RAB44: variants seen among roughly 807,000 people sequenced by gnomAD.
The protein encoded by RAB44 is ras-related protein Rab-44.
RAB44 carries 67 observed loss-of-function variants against 93.3 expected under a neutral mutation model. That is an observed-to-expected ratio of 0.72 (90% CI 0.59 to 0.88). The LOEUF is 0.88. Among genes scored for constraint, RAB44 ranks in the 40% least tolerant of loss-of-function variants. The probability of loss-of-function intolerance (pLI) is 0.00; values close to 1 mark genes in which losing one functional copy is unlikely to be tolerated. For missense variants in RAB44, 1,064 were observed against 1,261.7 expected (o/e 0.84, Z 2.37); for synonymous variants, 427 against 520.3 (o/e 0.82, Z 2.44).
Position 36,717,394 on chromosome 6 carries a change from G to T in RAB44, c.616G>T (p.Glu206Ter). Residue 206 changes from glutamate (E) to a stop codon, truncating the protein, a stop_gained, in exon 5 of 14, where the codon GAG (glutamate) becomes TAG (stop). Transcript: ENST00000612677. LOFTEE classifies it high-confidence loss of function. This position sits in a 1 kb window ranked among gnomAD's most constrained non-coding sequence, Gnocchi z 4.1. ...CCTGCAGGAGGCCCAGGCGGACAAG[G>T]AGGCCCTGGAGCTGACCCTGAGGAA... ...SRLQEAQADK[E>*]ALELTLRKRD... The T allele has an allele frequency of 8.1e-7, 1 of 1,232,244 alleles. No individual in the cohort carries two copies. The highest frequency in any genetic ancestry group is 1.0e-6 in the Non-Finnish European group (1 of 988,070). The allele number at this position is 1,232,244 out of a possible 1,614,324, so 76.3% of individuals were successfully genotyped here. A position where few individuals can be genotyped will look rare whatever the true frequency, so the allele number is the denominator to read the frequency against.
At chr6:36,712,043 C>G (rs1362051162) in intron 2 of RAB44, among the ~76,000 whole-genome samples, 1 of 152,220 alleles carries the variant, frequency 6.6e-6, no homozygotes, top group East Asian at 1.9e-4. Context: ...TGGCTCATGC[C>G]TGTAATCCCA....
intron 2 of RAB44, among the ~76,000 whole-genome samples, chr6:36,711,182 T>C (rs1412193426): frequency 1.3e-5 from 2 of 152,236 alleles, no homozygotes; most frequent in Non-Finnish European, 2.9e-5. Flanking sequence ...GGTGACACAC[T>C]GGAAGTTATA....
At chr6:36,703,682 CATG>C (rs1487045558) in intron 1 of RAB44, among the ~76,000 whole-genome samples, 1 of 151,914 alleles carries the variant, frequency 6.6e-6, no homozygotes, top group Admixed American at 6.6e-5. Flanking sequence ...GGACTAGAGA[CATG>C]GTGCTGGAGA....
rs757112183 is a variant in RAB44, at chr6:36,727,674, T to G, written c.2779T>G (p.Trp927Gly). ...SQESFAHVRY[W>G]LDCLQDAGSD... ...GGAGAGCTTTGCCCACGTGCGCTAC[T>G]GGCTAGACTGTCTCCAGGTGAGCAG... The change falls in exon 11 of 14, where the codon TGG becomes GGG. Residue 927 changes from tryptophan (W) to glycine (G), a missense_variant. Coordinates refer to ENST00000612677, the MANE Select transcript of RAB44 (RefSeq NM_001257357.2). 4.3e-5 allele frequency: 66 copies of G among 1,550,126 alleles called. No homozygotes were observed. In the African/African-American group the frequency reaches 7.0e-4, roughly 16 times the overall value.
chr6:36,719,298 C>T (rs1763010775), intron 7 of RAB44, among the ~76,000 whole-genome samples: 1 of 152,180 alleles, frequency 6.6e-6, no homozygotes, highest in South Asian at 2.1e-4. Context: ...GCCCTGTTAC[C>T]AGGTTGATTT....
At chr6:36,704,026 G>A (rs1368865019) in intron 1 of RAB44, among the ~76,000 whole-genome samples, 198 bp from the exon 2 acceptor site, 1 of 152,256 alleles carries the variant, frequency 6.6e-6, no homozygotes, top group African/African-American at 2.4e-5. Flanking sequence ...AAAGGGCAAA[G>A]GCGTTGAGCA....
intron 4 of RAB44, among the ~76,000 whole-genome samples, chr6:36,716,459 G>A (rs1159409161): frequency 6.7e-5 from 9 of 134,940 alleles, no homozygotes; most frequent in Admixed American, 6.4e-4. Context: ...GACAGAGCAA[G>A]ACTCTGTCTC....
chr6:36,724,139 TTTTA>T (rs35704587), intron 9 of RAB44, among the ~76,000 whole-genome samples: 4,077 of 146,432 alleles, frequency 0.028, 127 homozygotes, highest in African/African-American at 0.077. Flanking sequence ...CATTATTTTA[TTTTA>T]TTTATTTATT....
intron 2 of RAB44, among the ~76,000 whole-genome samples, chr6:36,706,623 A>T (rs1762656070): frequency 6.6e-6 from 1 of 152,262 alleles, no homozygotes; most frequent in South Asian, 2.1e-4. Flanking sequence ...CCTTGATTGC[A>T]CAATTGATTT....
chr6:36,720,187 G>A (rs1763035561), intron 7 of RAB44, among the ~76,000 whole-genome samples, 176 bp from the exon 8 acceptor site: 1 of 152,128 alleles, frequency 6.6e-6, no homozygotes. Flanking sequence ...CTAGATAGGA[G>A]CTAATGGAGC....
At chr6:36,702,257 G>C (rs1003382680) in intron 1 of RAB44, among the ~76,000 whole-genome samples, 7 of 148,210 alleles carry the variant, frequency 4.7e-5, no homozygotes, top group Non-Finnish European at 8.9e-5. Flanking sequence ...TTACATTTAT[G>C]ATCTTAAAAC....
Position 36,721,641 on chromosome 6 carries a change from C to A in RAB44, c.1507C>A (p.Pro503Thr). 8.1e-7 allele frequency: 1 copy of A among 1,234,524 alleles called. No individual in the cohort carries two copies. Among genetic ancestry groups the A allele is most frequent in the Non-Finnish European group, 1.0e-6 (1 of 988,374 alleles). The allele number at this position is 1,234,524 out of a possible 1,614,324, so 76.5% of individuals were successfully genotyped here. A position where few individuals can be genotyped will look rare whatever the true frequency, so the allele number is the denominator to read the frequency against. Reference sequence around the variant, plus strand: ...AGTGCTCATTCCTTTGGAGGATGGGCCCCCTCCCCCTGCGAACTCTCCCCC... The same window carrying A: ...AGTGCTCATTCCTTTGGAGGATGGGACCCCTCCCCCTGCGAACTCTCCCCC... ...FKVLIPLEDG[P>T]PPPANSPPPQ... Residue 503 changes from proline (P) to threonine (T), a missense_variant, in exon 9 of 14, where the codon CCC becomes ACC. Pro to Thr is a conservative substitution (Grantham distance 38). Transcript: ENST00000612677.
chr6:36,721,991 GGGC>G lies in RAB44; in HGVS notation c.1858_1860del (p.Gly620del), dbSNP rs1291238692. ...CCCTGGGGCCAGCTGAGCCCTTCCA[GGGC>G]CTGGAATTTGTGGGTCCGGTGCCCA... On this transcript the variant is annotated inframe_deletion, in exon 9 of 14. Coordinates refer to ENST00000612677, the MANE Select transcript of RAB44 (RefSeq NM_001257357.2). The G allele has an allele frequency of 8.1e-7, 1 of 1,234,552 alleles. No individual in the cohort carries two copies. The highest frequency in any genetic ancestry group is 1.0e-6 in the Non-Finnish European group (1 of 988,412). 76.5% of individuals were successfully genotyped at this position (1,234,552 alleles called of 1,614,324 possible).
At chr6:36,710,904 G>C (rs931408104) in intron 2 of RAB44, among the ~76,000 whole-genome samples, 1 of 152,130 alleles carries the variant, frequency 6.6e-6, no homozygotes, top group Non-Finnish European at 1.5e-5. Flanking sequence ...GATTACAGGC[G>C]TGAGTCACCT....
chr6:36,717,205 G>T lies in RAB44; in HGVS notation c.495-68G>T. ...GCTGCAGTGAAAACTGAGGAGTGGG[G>T]CTCCCCTTGCTTCTCCATCCCACCT... On this transcript the variant is annotated intron_variant, in intron 4 of 13. Coordinates refer to ENST00000612677, the MANE Select transcript of RAB44 (RefSeq NM_001257357.2). The surrounding 1 kb of genome is among the most constrained non-coding windows in gnomAD (Gnocchi z 4.1). 8.2e-7 allele frequency: 1 copy of T among 1,222,446 alleles called. No individual in the cohort carries two copies. Among genetic ancestry groups the T allele is most frequent in the Non-Finnish European group, 1.0e-6 (1 of 979,666 alleles). 75.7% of individuals were successfully genotyped at this position (1,222,446 alleles called of 1,614,324 possible).
At chr6:36,730,447 C>A (rs1180798119) in intron 12 of RAB44, among the ~76,000 whole-genome samples, 1 of 152,216 alleles carries the variant, frequency 6.6e-6, no homozygotes, top group East Asian at 1.9e-4. Flanking sequence ...AATGTCTCTT[C>A]AATGCATTCC....
intron 6 of RAB44, 146 bp from the exon 7 acceptor site, chr6:36,718,347 C>T (rs1762979604): frequency 6.6e-6 from 3 of 454,296 alleles, no homozygotes; most frequent in Admixed American, 8.8e-5. Flanking sequence ...TAGGCTGGAA[C>T]TGGAGGAGTT....
At position 36,704,250 on chromosome 6, in the gene RAB44, G is replaced by A; in HGVS notation, c.15G>A (p.Gln5=). 1 of 1,536,140 alleles carries A rather than the reference G, an allele frequency of 6.5e-7. No individual in the cohort carries two copies. Among genetic ancestry groups the A allele is most frequent in the Non-Finnish European group, 8.7e-7 (1 of 1,146,908 alleles). METG[Q]RTSRKVRKLG... ...GCCAACGCACCATGGAGACTGGACAGAGAACATCTCGAAAAGTCCGGAAGC... is the reference window on the plus strand; with the variant it reads ...GCCAACGCACCATGGAGACTGGACAAAGAACATCTCGAAAAGTCCGGAAGC... The change falls in exon 2 of 14, where the codon CAG becomes CAA. Residue 5 remains glutamine (Q), a synonymous_variant. Coordinates refer to ENST00000612677, the MANE Select transcript of RAB44 (RefSeq NM_001257357.2).
Position 36,721,949 on chromosome 6 carries a change from G to A in RAB44, c.1815G>A (p.Gln605=). 1 of 1,234,640 alleles carries A rather than the reference G, an allele frequency of 8.1e-7. No homozygotes were observed. The highest frequency in any genetic ancestry group is 3.2e-5 in the East Asian group (1 of 31,712). The allele number at this position is 1,234,640 out of a possible 1,614,324, so 76.5% of individuals were successfully genotyped here. The change falls in exon 9 of 14, where the codon CAG becomes CAA. Residue 605 remains glutamine (Q), a synonymous_variant. Transcript: ENST00000612677. ...GCTCTGAGCCAAGACTGGGGACCCA[G>A]AGGGCTAGAGCCCTCACCCTGGGGC... is the stretch of plus-strand genomic sequence containing the variant. ...ATGSEPRLGT[Q]RARALTLGPA...
Sources: allele counts gnomAD v4.1 joint callset (sites outside exome capture counted in the v4.1 genomes callset), GRCh38; gene constraint gnomAD v4.1.1; non-coding constraint Gnocchi (gnomAD v3.1); transcripts MANE v1.5; gene names NCBI Gene and HGNC (gene_info 2026-07-23, HGNC 2026-07-21).